DNER: variants seen among roughly 807,000 people sequenced by gnomAD.
DNER encodes the protein delta and Notch-like epidermal growth factor-related receptor.
DNER carries 33 observed loss-of-function variants against 78.2 expected under a neutral mutation model. The ratio of observed to expected loss-of-function variants is 0.42; its 90% CI spans 0.32 to 0.56. The LOEUF (loss-of-function observed/expected upper bound fraction) is 0.56. DNER is among the 20% of genes least tolerant of loss of function. The pLI is 0.11. For synonymous variants in DNER, 417 were observed against 384.8 expected (o/e 1.08, Z -0.98); for missense variants, 918 against 975.3 (o/e 0.94, Z 0.78).
chr2:229,686,260 C>A (rs563968970), intron 1 of DNER, among the ~76,000 whole-genome samples: 1 of 152,248 alleles, frequency 6.6e-6, no homozygotes, highest in East Asian at 1.9e-4. Flanking sequence ...TCATCTGGCA[C>A]AGCTACAGCC....
Position 229,586,661 on chromosome 2 carries a change from A to T in DNER, c.681-637T>A, listed in dbSNP as rs554027325. On this transcript the variant is annotated intron_variant, in intron 3 of 12. Coordinates refer to ENST00000341772, the MANE Select transcript of DNER (RefSeq NM_139072.4). Reference sequence around the variant, plus strand: ...CTCCTCACAGCCCAATGCTTCAGCTACTACGAGCTACCCCAACCCAGTTCT... The same window carrying T: ...CTCCTCACAGCCCAATGCTTCAGCTTCTACGAGCTACCCCAACCCAGTTCT... 1.0e-5 allele frequency: 10 copies of T among 985,032 alleles called. No individual in the cohort carries two copies. The East Asian group carries it at 9.1e-4, about 90-fold the overall frequency. The allele number at this position is 985,032 out of a possible 1,614,324, so 61.0% of individuals were successfully genotyped here.
chr2:229,557,888 A>T (rs971149540), intron 4 of DNER, among the ~76,000 whole-genome samples: 2 of 152,202 alleles, frequency 1.3e-5, no homozygotes, highest in African/African-American at 4.8e-5. Context: ...TATATAGCCA[A>T]AGAAATATAG....
intron 8 of DNER, among the ~76,000 whole-genome samples, chr2:229,424,303 T>A (rs1333305206): frequency 3.3e-5 from 5 of 152,168 alleles, no homozygotes; most frequent in Non-Finnish European, 4.4e-5. Context: ...AATTTATAGA[T>A]GAGGAATTAA....
intron 1 of DNER, among the ~76,000 whole-genome samples, chr2:229,592,839 A>G (rs1285766589): frequency 6.6e-6 from 1 of 152,236 alleles, no homozygotes; most frequent in African/African-American, 2.4e-5. Flanking sequence ...AGGGCTGACT[A>G]CAAAACAGAA....
chr2:229,691,832 T>G (rs1574568189), intron 1 of DNER, among the ~76,000 whole-genome samples: 1 of 152,004 alleles, frequency 6.6e-6, no homozygotes. Context: ...ATCTAACCCC[T>G]CAGCCACAAT....
At chr2:229,428,421 G>A (rs890369744) in intron 8 of DNER, among the ~76,000 whole-genome samples, 3 of 152,036 alleles carry the variant, frequency 2.0e-5, no homozygotes, top group Admixed American at 2.0e-4. Flanking sequence ...TGGAAGGGGA[G>A]GCCCAGATTC....
At chr2:229,522,166 TTC>T (rs1696112124) in intron 5 of DNER, among the ~76,000 whole-genome samples, 1 of 152,226 alleles carries the variant, frequency 6.6e-6, no homozygotes, top group Non-Finnish European at 1.5e-5. Context: ...GTCCTGCTCT[TTC>T]CTTCCAAGGA....
intron 1 of DNER, among the ~76,000 whole-genome samples, chr2:229,606,881 C>T (rs894201089): frequency 1.3e-5 from 2 of 152,026 alleles, no homozygotes; most frequent in African/African-American, 4.8e-5. Flanking sequence ...GCAACGAGAG[C>T]AAAACTCCAT....
chr2:229,383,335 T>G (rs554698330), intron 11 of DNER, among the ~76,000 whole-genome samples: 2 of 152,122 alleles, frequency 1.3e-5, no homozygotes, highest in Non-Finnish European at 2.9e-5. Flanking sequence ...CAATTGACAC[T>G]ATGAAAAAAC....
chr2:229,467,190 A>C (rs1286456048), intron 7 of DNER, among the ~76,000 whole-genome samples: 1 of 152,158 alleles, frequency 6.6e-6, no homozygotes, highest in Non-Finnish European at 1.5e-5. Context: ...GACTCTAAAC[A>C]TGACAACTTC....
chr2:229,549,190 G>A (rs568705595), intron 4 of DNER, among the ~76,000 whole-genome samples: 1 of 152,244 alleles, frequency 6.6e-6, no homozygotes, highest in Admixed American at 6.5e-5. Context: ...GGGTAGCCAG[G>A]GAGATGGAGC....
chr2:229,602,165 G>A (rs761562746), intron 1 of DNER, among the ~76,000 whole-genome samples: 4 of 151,868 alleles, frequency 2.6e-5, no homozygotes, highest in Non-Finnish European at 5.9e-5. Context: ...GAAATATGTC[G>A]ACTTCTGCCT....
At chr2:229,419,711 T>C (rs1026659674) in intron 8 of DNER, among the ~76,000 whole-genome samples, 1 of 152,040 alleles carries the variant, frequency 6.6e-6, no homozygotes, top group African/African-American at 2.4e-5. Flanking sequence ...AAATATACTA[T>C]AGTTTTCAAT....
At chr2:229,501,432 TA>T (rs142378587) in intron 6 of DNER, among the ~76,000 whole-genome samples, 16 of 148,778 alleles carry the variant, frequency 1.1e-4, no homozygotes, top group South Asian at 2.1e-4. Flanking sequence ...TACCCATAAC[TA>T]AAAAAAAAAT....
intron 1 of DNER, among the ~76,000 whole-genome samples, chr2:229,604,687 T>C (rs776304671): frequency 7.2e-5 from 11 of 152,208 alleles, no homozygotes; most frequent in Non-Finnish European, 1.5e-4. Flanking sequence ...TTTTCAGCTT[T>C]TCTAACCTTA....
chr2:229,510,519 A>G (rs904330242), intron 6 of DNER, among the ~76,000 whole-genome samples: 1 of 152,206 alleles, frequency 6.6e-6, no homozygotes, highest in Non-Finnish European at 1.5e-5. Flanking sequence ...CAGAGGGTGG[A>G]GGATTTGAGA....
chr2:229,686,911 T>C (rs1338138148), intron 1 of DNER, among the ~76,000 whole-genome samples: 1 of 152,186 alleles, frequency 6.6e-6, no homozygotes, highest in Non-Finnish European at 1.5e-5. Context: ...AAACTGCAAA[T>C]GAAGCCAAAA....
intron 1 of DNER, among the ~76,000 whole-genome samples, chr2:229,593,619 T>A (rs1238239946): frequency 1.3e-5 from 2 of 152,214 alleles, no homozygotes; most frequent in African/African-American, 4.8e-5. Context: ...AAAGGAGATA[T>A]GATAGATTGA....
chr2:229,466,706 T>C (rs1455433479), intron 7 of DNER, among the ~76,000 whole-genome samples: 1 of 152,254 alleles, frequency 6.6e-6, no homozygotes, highest in African/African-American at 2.4e-5. Flanking sequence ...TTAAGTGTTT[T>C]ATTAAATAAA....
Sources: gnomAD v4.1 joint callset for allele counts (sites outside exome capture counted in the v4.1 genomes callset) on GRCh38, gnomAD v4.1.1 for gene constraint, MANE v1.5 for transcripts, NCBI Gene and HGNC (gene_info 2026-07-23, HGNC 2026-07-21) for gene names.